Variants in MISP observed in about 807,000 individuals in gnomAD.
The protein encoded by MISP is mitotic spindle positioning.
MISP carries 51 observed loss-of-function variants against 49.3 expected under a neutral mutation model. The observed-to-expected ratio is 1.03, with a 90% CI of 0.83 to 1.31. The LOEUF (loss-of-function observed/expected upper bound fraction) is 1.31. MISP is among the 50% of genes most tolerant of loss of function. The pLI is 0.00. For synonymous variants in MISP, 444 were observed against 392.6 expected, an observed-to-expected ratio of 1.13 and a Z score of -1.55; for missense variants, 1,084 against 935.1, an observed-to-expected ratio of 1.16 and a Z score of -2.08.
intron 4 of MISP, 110 bp downstream of exon 4, chr19:761,773 G>C (rs2033676352): frequency 8.4e-7 from 1 of 1,189,480 alleles, no homozygotes; most frequent in Non-Finnish European, 1.2e-6. Flanking sequence ...ATCGTATTGG[G>C]TGTCTTCTCA....
At chr19:752,927 C>T (rs1055488314) in intron 1 of MISP, among the ~76,000 whole-genome samples, 8 of 152,200 alleles carry the variant, frequency 5.3e-5, no homozygotes, top group Non-Finnish European at 7.3e-5. Context: ...GCAATGAGCC[C>T]GACCCCCACG....
At chr19:759,467 T>A (rs1157399552) in intron 2 of MISP, among the ~76,000 whole-genome samples, 1 of 149,140 alleles carries the variant, frequency 6.7e-6, no homozygotes, top group Non-Finnish European at 1.5e-5. Context: ...TGGCGCGATC[T>A]CGGCTCACTG....
chr19:759,469 G>C (rs183070659), intron 2 of MISP, among the ~76,000 whole-genome samples: 1 of 145,872 alleles, frequency 6.9e-6, no homozygotes, highest in Non-Finnish European at 1.5e-5. Flanking sequence ...GCGCGATCTC[G>C]GCTCACTGCA....
At position 758,620 on chromosome 19, in the gene MISP, G is replaced by A; in HGVS notation, c.1674G>A (p.Glu558=). ...AGAGGGAGAGTGTCCTGCGCCGGGA[G>A]CAAGAGGTGGCAGAGGAGCGGAGAA... ...ERERESVLRR[E]QEVAEERRNA... The change falls in exon 2 of 5, where the codon GAG becomes GAA. Residue 558 remains glutamate (E), a synonymous_variant. Coordinates refer to ENST00000215582, the MANE Select transcript of MISP (RefSeq NM_173481.4). The A allele has an allele frequency of 6.2e-7, 1 of 1,614,270 alleles. No individual in the cohort carries two copies. Among genetic ancestry groups the A allele is most frequent in the Admixed American group, 1.7e-5 (1 of 60,030 alleles).
In MISP at chr19:760,036, A is replaced by G. The variant is rs112194249; in HGVS notation, c.1908A>G (p.Gln636=). Residue 636 remains glutamine, a synonymous_variant, in exon 3 of 5, where the codon CAA becomes CAG. Coordinates refer to ENST00000215582, the MANE Select transcript of MISP (RefSeq NM_173481.4). ...CTCCCGGGCAGAGAAAGAAGGAGCA[A>G]TGGGTGAGTCTGGAACCCGTCTCTG... The part of the protein sequence containing the change: ...SAPPGQRKKE[Q]WYAGINPSDG... The G allele has an allele frequency of 5.6e-5, 91 of 1,613,682 alleles. No individual in the cohort carries two copies. The African/African-American group carries it at 6.8e-4, about 12-fold the overall frequency.
chr19:758,245 C>T lies in MISP; in HGVS notation c.1299C>T (p.Thr433=). 2 of 1,613,590 alleles carry T rather than the reference C, an allele frequency of 1.2e-6. No homozygotes were observed. Among genetic ancestry groups the T allele is most frequent in the Non-Finnish European group, 8.5e-7 (1 of 1,179,992 alleles). The change falls in exon 2 of 5, where the codon ACC becomes ACT. Residue 433 remains threonine, a synonymous_variant. Coordinates refer to ENST00000215582, the MANE Select transcript of MISP (RefSeq NM_173481.4). ...DAYQPYLSPG[T]PQLEFSAFGA... ...ACCAGCCGTACCTGAGCCCCGGGAC[C>T]CCCCAGCTAGAATTCTCAGCCTTCG...
In MISP at chr19:757,485, C is replaced by G; in HGVS notation, c.539C>G (p.Pro180Arg). ...PRTPGPPRST[P>R]LEENVVDREQ... ...ACCCCCGGCCCACCTCGGTCCACGC[C>G]CCTGGAGGAGAACGTGGTTGACAGG... The change falls in exon 2 of 5, where the codon CCC (proline) becomes CGC (arginine). Residue 180 changes from proline to arginine, a missense_variant. Coordinates refer to ENST00000215582, the MANE Select transcript of MISP (RefSeq NM_173481.4). The G allele has an allele frequency of 6.3e-7, 1 of 1,599,776 alleles. No individual in the cohort carries two copies. Among genetic ancestry groups the G allele is most frequent in the East Asian group, 2.3e-5 (1 of 44,368 alleles).
rs2033567127 is a variant in MISP at position 757,288 on chromosome 19, G to A, written c.342G>A (p.Glu114=). The A allele has an allele frequency of 4.3e-6, 7 of 1,614,040 alleles. No homozygotes were observed. Among genetic ancestry groups the A allele is most frequent in the Non-Finnish European group, 5.1e-6 (6 of 1,179,994 alleles). Residue 114 remains glutamate (E), a synonymous_variant, in exon 2 of 5, where the codon GAG becomes GAA. Transcript: ENST00000215582. ...GTCCAACATGGGCACTCCGCCCAGA[G>A]GACGGGGAGGACAAGGAGATGAAGA... The part of the protein sequence containing the change: ...QGRPTWALRP[E]DGEDKEMKTY...
chr19:758,300 A>C lies in MISP; in HGVS notation c.1354A>C (p.Thr452Pro). 1 of 1,614,038 alleles carries C rather than the reference A, an allele frequency of 6.2e-7. No individual in the cohort carries two copies. The highest frequency in any genetic ancestry group is 1.1e-5 in the South Asian group (1 of 91,090). Residue 452 changes from threonine (T) to proline (P), a missense_variant, in exon 2 of 5, where the codon ACA becomes CCA. By Grantham distance (38) the Thr-to-Pro change is conservative. Transcript: ENST00000215582. ...ATTCGGCAAGCCCAGCAGTCTCTCC[A>C]CAGCGGAGGCCAAGGCTGCGACTTC... ...GAFGKPSSLS[T>P]AEAKAATSPK...
rs1390763840 is a variant in MISP, at chr19:763,604, G to A, written c.*14G>A. On this transcript the variant is annotated 3_prime_UTR_variant, in exon 5 of 5. Coordinates refer to ENST00000215582, the MANE Select transcript of MISP (RefSeq NM_173481.4). ...GAGGATGACTGAGCCTCGGGATGGG[G>A]CGCCCACCCCCTGCCCTGCCCTGAC... is the stretch of plus-strand genomic sequence containing the variant. 7.5e-6 allele frequency: 12 copies of A among 1,596,938 alleles called. No homozygotes were observed. The highest frequency in any genetic ancestry group is 1.0e-5 in the Non-Finnish European group (12 of 1,166,148).
chr19:759,557 G>A (rs1026442298), intron 2 of MISP, among the ~76,000 whole-genome samples: 22 of 151,768 alleles, frequency 1.4e-4, no homozygotes, highest in Non-Finnish European at 2.8e-4. Context: ...CTGCCTCCAC[G>A]CCTGGCTAAT....
intron 1 of MISP, among the ~76,000 whole-genome samples, chr19:755,614 G>A (rs1271445578): frequency 1.3e-5 from 2 of 152,116 alleles, no homozygotes; most frequent in Non-Finnish European, 2.9e-5. Flanking sequence ...AGATAAATAT[G>A]GTGCGGCCAA....
Position 760,038 on chromosome 19 carries a change from G to A in MISP, c.1910G>A (p.Trp637Ter). Reference sequence around the variant, plus strand: ...CCCGGGCAGAGAAAGAAGGAGCAATGGGTGAGTCTGGAACCCGTCTCTGCA... The same window carrying A: ...CCCGGGCAGAGAAAGAAGGAGCAATAGGTGAGTCTGGAACCCGTCTCTGCA... ...APPGQRKKEQ[W>*]YAGINPSDGI... The change falls in exon 3 of 5, where the codon TGG (tryptophan) becomes TAG (stop). Residue 637 changes from tryptophan (W) to a stop codon, truncating the protein, a stop_gained and splice_region_variant. Transcript: ENST00000215582. LOFTEE classifies it low-confidence loss of function (END_TRUNC). 6.2e-7 allele frequency: 1 copy of A among 1,613,600 alleles called. No individual in the cohort carries two copies. The highest frequency in any genetic ancestry group is 8.5e-7 in the Non-Finnish European group (1 of 1,179,724).
upstream of MISP, among the ~76,000 whole-genome samples, chr19:749,353 G>A (rs1599176938): frequency 1.3e-5 from 2 of 152,178 alleles, no homozygotes; most frequent in African/African-American, 4.8e-5. Context: ...CCTGAGGCGC[G>A]ATTTTAAGCT....
chr19:757,431 A>T lies in MISP; in HGVS notation c.485A>T (p.Gln162Leu), dbSNP rs1383226861. ...VRKSSTVATL[Q>L]GTPDHGDPRT... ...AAGAGCAGCACCGTGGCCACGCTCC[A>T]GGGCACTCCTGACCACGGAGACCCC... Residue 162 changes from glutamine (Q) to leucine (L), a missense_variant, in exon 2 of 5, where the codon CAG (glutamine) becomes CTG (leucine). Coordinates refer to ENST00000215582, the MANE Select transcript of MISP (RefSeq NM_173481.4). 1.3e-6 allele frequency: 2 copies of T among 1,597,284 alleles called. No homozygotes were observed. Among genetic ancestry groups the T allele is most frequent in the Non-Finnish European group, 1.7e-6 (2 of 1,172,758 alleles).
chr19:762,908 G>A (rs76680732), intron 4 of MISP, among the ~76,000 whole-genome samples: 2 of 152,080 alleles, frequency 1.3e-5, no homozygotes, highest in Non-Finnish European at 2.9e-5. Flanking sequence ...CTGCATTCAA[G>A]GGATCCTCCC....
At chr19:755,019 G>A (rs2033526394) in intron 1 of MISP, among the ~76,000 whole-genome samples, 1 of 150,502 alleles carries the variant, frequency 6.6e-6, no homozygotes, top group South Asian at 2.1e-4. Context: ...TGGAAGAGGA[G>A]GGCCTGGTTT....
At chr19:756,851 C>T in intron 1 of MISP, 39 bp from the exon 2 acceptor site, 4 of 1,051,566 alleles carry the variant, frequency 3.8e-6, no homozygotes, top group Non-Finnish European at 4.1e-6. Flanking sequence ...TCCCTAGGTG[C>T]TCTGACTTGA....
chr19:749,815 A>G (rs865785850), upstream of MISP, among the ~76,000 whole-genome samples: 1 of 150,840 alleles, frequency 6.6e-6, no homozygotes, highest in Middle Eastern at 3.4e-3. Context: ...CAAGAGCGAG[A>G]CTCCGTCTCA....
Sources: allele counts gnomAD v4.1 joint callset (sites outside exome capture counted in the v4.1 genomes callset), GRCh38; gene constraint gnomAD v4.1.1; transcripts MANE v1.5; gene names NCBI Gene and HGNC (gene_info 2026-07-23, HGNC 2026-07-21).